Variants in EYS observed in about 807,000 individuals in gnomAD.
EYS encodes EGF-like photoreceptor maintenance factor.
Under a neutral mutation model 282.1 loss-of-function variants are expected in EYS, and 250 were observed. The ratio of observed to expected loss-of-function variants is 0.89; its 90% CI spans 0.80 to 0.98. The LOEUF (loss-of-function observed/expected upper bound fraction) is 0.98. EYS is among the 50% of genes least tolerant of loss of function. EYS has a pLI of 0.00. For synonymous variants in EYS, 1,355 were observed against 1,282.9 expected, an observed-to-expected ratio of 1.06 and a Z score of -1.20; for missense variants, 4,016 against 3,709.0, an observed-to-expected ratio of 1.08 and a Z score of -2.15.
Position 63,948,628 on chromosome 6 carries a change from C to A in EYS, c.7055+35755G>T, listed in dbSNP as rs9450422. Among the ~76,000 whole-genome samples, 651 of 151,788 alleles carry A rather than the reference C, an allele frequency of 4.3e-3. 4 individuals are homozygous for A. Among genetic ancestry groups the A allele is most frequent in the African/African-American group, 0.015 (629 of 41,486 alleles). ...TTCTCCTTCCTTTCTCTCTTTCTTT[C>A]TTTCTCTCTCCTTCTCCTGAACCAA... On this transcript the variant is annotated intron_variant, in intron 35 of 42. Coordinates refer to ENST00000503581, the MANE Select transcript of EYS (RefSeq NM_001142800.2).
chr6:65,109,769 C>T (rs1229233416), intron 12 of EYS, among the ~76,000 whole-genome samples: 1 of 152,070 alleles, frequency 6.6e-6, no homozygotes, highest in Non-Finnish European at 1.5e-5. Context: ...ATTTACTCTG[C>T]CTACCTACCC....
At chr6:64,871,541 G>A (rs1254928020) in intron 19 of EYS, among the ~76,000 whole-genome samples, 1 of 151,872 alleles carries the variant, frequency 6.6e-6, no homozygotes, top group Non-Finnish European at 1.5e-5. Context: ...AAAAATAAAA[G>A]TCATCTCTTG....
At chr6:63,777,942 G>T in intron 40 of EYS, 64 bp downstream of exon 40, 1 of 1,377,018 alleles carries the variant, frequency 7.3e-7, no homozygotes, top group African/African-American at 1.4e-5. Context: ...TGGAATGACA[G>T]AGTGGAGTAC....
At chr6:64,342,691 A>T (rs1316216590) in intron 29 of EYS, among the ~76,000 whole-genome samples, 2 of 152,102 alleles carry the variant, frequency 1.3e-5, no homozygotes, top group Non-Finnish European at 2.9e-5. Context: ...CATCATAATG[A>T]CAGGATCAAA....
intron 12 of EYS, among the ~76,000 whole-genome samples, chr6:65,142,717 C>G (rs1292011030): frequency 6.6e-6 from 1 of 151,518 alleles, no homozygotes; most frequent in East Asian, 1.9e-4. Context: ...AGCTGAAGGT[C>G]CTACAAAGTG....
chr6:63,724,323 A>G (rs1356652460), intron 42 of EYS, among the ~76,000 whole-genome samples: 1 of 152,132 alleles, frequency 6.6e-6, no homozygotes, highest in Non-Finnish European at 1.5e-5. Context: ...GTAGGACCTA[A>G]TATTTGTGAA....
intron 7 of EYS, among the ~76,000 whole-genome samples, chr6:65,393,321 AT>A (rs1369048245): frequency 1.3e-5 from 2 of 152,168 alleles, no homozygotes; most frequent in East Asian, 1.9e-4. Context: ...TTAAAATATA[AT>A]TTAAAAAAAT....
chr6:63,847,961 G>A (rs1302743100), intron 36 of EYS, among the ~76,000 whole-genome samples: 1 of 152,122 alleles, frequency 6.6e-6, no homozygotes, highest in Non-Finnish European at 1.5e-5. Flanking sequence ...TTGACTCATT[G>A]GGAAAATCAA....
At chr6:63,764,873 C>G (rs1390699430) in intron 40 of EYS, among the ~76,000 whole-genome samples, 1 of 151,832 alleles carries the variant, frequency 6.6e-6, no homozygotes, top group Non-Finnish European at 1.5e-5. Flanking sequence ...TGATTTTGTG[C>G]AAGGTCAGAT....
intron 31 of EYS, among the ~76,000 whole-genome samples, chr6:64,215,112 T>C (rs887182607): frequency 1.3e-5 from 2 of 151,982 alleles, no homozygotes; most frequent in African/African-American, 4.8e-5. Flanking sequence ...CAAAATTTGG[T>C]TGAGTTGCTT....
chr6:64,714,319 A>C (rs1329266597), intron 22 of EYS, among the ~76,000 whole-genome samples: 1 of 152,166 alleles, frequency 6.6e-6, no homozygotes, highest in Non-Finnish European at 1.5e-5. Context: ...GTATTCTAAT[A>C]AGTGTCTTTT....
At position 64,590,300 on chromosome 6, in the gene EYS, C is replaced by T. The variant is rs563441026; in HGVS notation, c.5567G>A (p.Arg1856Gln). 8.0e-5 allele frequency: 124 copies of T among 1,551,074 alleles called. No homozygotes were observed. Among genetic ancestry groups the T allele is most frequent in the Middle Eastern group, 1.7e-4 (1 of 5,988 alleles). ...AAGAGATCTAGTGAAGGGAAGATGC[C>T]GGCTTGCAGTGGGAAATTCCTGATA... ...VQYQEFPTAS[R>Q]HLPFTRSLTL... The change falls in exon 26 of 43, where the codon CGG (arginine) becomes CAG (glutamine). Residue 1856 changes from arginine (R) to glutamine (Q), a missense_variant. By Grantham distance (43) the Arg-to-Gln change is conservative (BLOSUM62 1). Transcript: ENST00000503581.
chr6:64,995,715 T>TCC (rs5876932), intron 14 of EYS, among the ~76,000 whole-genome samples: 26,277 of 146,240 alleles, frequency 0.18, 2,423 homozygotes, highest in East Asian at 0.23. Context: ...TCTTTCTGCT[T>TCC]CCCCCCCGCC....
At chr6:64,839,042 T>G (rs916445019) in intron 19 of EYS, among the ~76,000 whole-genome samples, 2 of 151,986 alleles carry the variant, frequency 1.3e-5, no homozygotes, top group African/African-American at 4.8e-5. Context: ...GTCTTACCAA[T>G]TATATATTTT....
intron 36 of EYS, among the ~76,000 whole-genome samples, chr6:63,807,808 C>CTCAGGTATATCACA (rs549815718): frequency 0.012 from 1,805 of 152,176 alleles, 32 homozygotes; most frequent in African/African-American, 0.042. Context: ...TAATAACACT[C>CTCAGGTATATCACA]TCAGGTATAT....
intron 15 of EYS, among the ~76,000 whole-genome samples, chr6:64,934,939 A>G (rs868373546): frequency 3.3e-5 from 5 of 151,790 alleles, no homozygotes; most frequent in African/African-American, 1.2e-4. Flanking sequence ...TAAAACCATA[A>G]TTATAACAGT....
intron 31 of EYS, among the ~76,000 whole-genome samples, chr6:64,107,244 G>A (rs901075618): frequency 8.0e-6 from 1 of 124,476 alleles, no homozygotes; most frequent in Non-Finnish European, 1.6e-5. Context: ...ACTAGTAGGA[G>A]ATATATATAT....
intron 9 of EYS, 127 bp downstream of exon 9, chr6:65,353,331 A>C (rs1764356839): frequency 1.0e-5 from 8 of 772,736 alleles, no homozygotes; most frequent in Non-Finnish European, 1.7e-5. Context: ...TAAGAGTATT[A>C]ATTTTATTTT....
chr6:65,698,583 A>C (rs2149850181), intron 1 of EYS, among the ~76,000 whole-genome samples: 1 of 152,268 alleles, frequency 6.6e-6, no homozygotes, highest in South Asian at 2.1e-4. Flanking sequence ...ATTCTATCTA[A>C]CTCAGATGTT....
Sources: allele counts gnomAD v4.1 joint callset (sites outside exome capture counted in the v4.1 genomes callset), GRCh38; gene constraint gnomAD v4.1.1; transcripts MANE v1.5; gene names NCBI Gene and HGNC (gene_info 2026-07-23, HGNC 2026-07-21).